Variants in EPB41L4A observed in about 807,000 individuals in gnomAD.
EPB41L4A encodes the protein band 4.1-like protein 4A.
EPB41L4A carries 100 observed loss-of-function variants against 108.6 expected under a neutral mutation model. The ratio of observed to expected loss-of-function variants is 0.92; its 90% CI spans 0.78 to 1.09. EPB41L4A has a LOEUF of 1.09. EPB41L4A is among the 50% of genes least tolerant of loss of function. EPB41L4A has a pLI of 0.00. For missense variants in EPB41L4A, 1,030 were observed against 842.7 expected, an observed-to-expected ratio of 1.22 and a Z score of -2.75; for synonymous variants, 319 against 289.0, an observed-to-expected ratio of 1.10 and a Z score of -1.05.
intron 2 of EPB41L4A, among the ~76,000 whole-genome samples, chr5:112,282,407 C>G (rs1197350666): frequency 2.6e-5 from 4 of 152,230 alleles, no homozygotes; most frequent in African/African-American, 9.6e-5. Flanking sequence ...AACGCAAATA[C>G]TCATTAACAC....
intron 15 of EPB41L4A, among the ~76,000 whole-genome samples, chr5:112,197,348 A>G (rs2150274083): frequency 6.6e-6 from 1 of 152,228 alleles, no homozygotes; most frequent in Admixed American, 6.5e-5. Context: ...TCTTTAACGT[A>G]TGGCTTACGT....
chr5:112,358,586 A>C (rs1046191742), intron 1 of EPB41L4A, among the ~76,000 whole-genome samples: 1 of 152,214 alleles, frequency 6.6e-6, no homozygotes, highest in Non-Finnish European at 1.5e-5. Flanking sequence ...GAGCAACTAG[A>C]ATTCTCACAG....
At chr5:112,367,579 C>T (rs1484086030) in intron 1 of EPB41L4A, among the ~76,000 whole-genome samples, 1 of 152,214 alleles carries the variant, frequency 6.6e-6, no homozygotes, top group Non-Finnish European at 1.5e-5. Flanking sequence ...CCATGACCAG[C>T]TCCTTCCAGG....
intron 19 of EPB41L4A, 90 bp downstream of exon 19, chr5:112,170,855 G>GA: frequency 1.7e-6 from 2 of 1,143,960 alleles, no homozygotes; most frequent in Non-Finnish European, 2.6e-6. Flanking sequence ...GCATCACGCT[G>GA]AAGTTGCCTC....
At chr5:112,261,496 T>C (rs1751478899) in intron 7 of EPB41L4A, among the ~76,000 whole-genome samples, 1 of 152,250 alleles carries the variant, frequency 6.6e-6, no homozygotes, top group Non-Finnish European at 1.5e-5. Flanking sequence ...ATTTAACTAT[T>C]GCTATCCACA....
intron 3 of EPB41L4A, among the ~76,000 whole-genome samples, chr5:112,277,602 T>C (rs1465978951): frequency 1.3e-5 from 2 of 152,068 alleles, no homozygotes; most frequent in Non-Finnish European, 1.5e-5. Context: ...TTGCCTAAAA[T>C]CACAGGGAAG....
chr5:112,244,023 T>C (rs1307773176), intron 9 of EPB41L4A, among the ~76,000 whole-genome samples: 2 of 152,252 alleles, frequency 1.3e-5, no homozygotes, highest in Non-Finnish European at 2.9e-5. Flanking sequence ...AGGCCTAGCT[T>C]TCAGCCTATC....
intron 1 of EPB41L4A, among the ~76,000 whole-genome samples, chr5:112,316,084 TAG>T (rs1755410111): frequency 6.6e-6 from 1 of 152,216 alleles, no homozygotes; most frequent in Non-Finnish European, 1.5e-5. Context: ...CTTATAATCG[TAG>T]AGAAAGACTC....
chr5:112,325,442 T>TCAA (rs1363738125), intron 1 of EPB41L4A, among the ~76,000 whole-genome samples: 16 of 103,508 alleles, frequency 1.5e-4, no homozygotes, highest in African/African-American at 5.0e-4. Flanking sequence ...CTCCGTCTCA[T>TCAA]AAAAAAAAAA....
At chr5:112,267,424 T>A (rs887565756) in intron 4 of EPB41L4A, among the ~76,000 whole-genome samples, 1 of 152,264 alleles carries the variant, frequency 6.6e-6, no homozygotes, top group Non-Finnish European at 1.5e-5. Context: ...ACATTGATTA[T>A]TTCAGGAAGA....
At position 112,255,892 on chromosome 5, in the gene EPB41L4A, C is replaced by A. The variant is rs542261628; in HGVS notation, c.795+3337G>T. On this transcript the variant is annotated intron_variant, in intron 9 of 22. Transcript: ENST00000261486. ...GGACTCCTGATCTTCCTCCTCAAGTCTGCTCTATCCATAGCCTTCCCCACC... is the reference window on the plus strand; with the variant it reads ...GGACTCCTGATCTTCCTCCTCAAGTATGCTCTATCCATAGCCTTCCCCACC... Among the ~76,000 whole-genome samples, 8 of 152,268 alleles carry A rather than the reference C, an allele frequency of 5.3e-5. No homozygotes were observed. In the South Asian group the frequency reaches 1.7e-3, roughly 32 times the overall value.
At chr5:112,389,638 G>C (rs1471899583) in intron 1 of EPB41L4A, among the ~76,000 whole-genome samples, 1 of 152,034 alleles carries the variant, frequency 6.6e-6, no homozygotes, top group African/African-American at 2.4e-5. Context: ...CATTTTTGTT[G>C]TTTCTGCCTT....
chr5:112,264,037 TC>T (rs1432391556), intron 6 of EPB41L4A: 1 of 152,180 alleles, frequency 6.6e-6, no homozygotes, highest in Non-Finnish European at 1.5e-5. Context: ...GTTCTCAAAC[TC>T]CTGACCTCAG....
chr5:112,143,972 C>T, intron 13 of EPB41L4A: 1 of 404,002 alleles, frequency 2.5e-6, no homozygotes, highest in Admixed American at 2.6e-5. Context: ...TATGGCCACC[C>T]TCCAATTCAC....
chr5:112,205,600 TAA>T, intron 13 of EPB41L4A, 96 bp from the exon 14 acceptor site: 3 of 932,938 alleles, frequency 3.2e-6, no homozygotes, highest in Non-Finnish European at 4.9e-6. Flanking sequence ...TAACAAATGT[TAA>T]GATGTGCACA....
chr5:112,238,050 G>A (rs1749480049), intron 11 of EPB41L4A, among the ~76,000 whole-genome samples: 1 of 152,146 alleles, frequency 6.6e-6, no homozygotes, highest in Non-Finnish European at 1.5e-5. Flanking sequence ...GAGAAATAAA[G>A]TATGGCTAAA....
chr5:112,274,504 C>G (rs879634786), intron 4 of EPB41L4A, among the ~76,000 whole-genome samples: 1 of 152,094 alleles, frequency 6.6e-6, no homozygotes, highest in African/African-American at 2.4e-5. Flanking sequence ...AAGTCTGAGA[C>G]AGATGAAAGC....
At chr5:112,233,180 C>T (rs1165882973) in intron 12 of EPB41L4A, among the ~76,000 whole-genome samples, 1 of 151,984 alleles carries the variant, frequency 6.6e-6, no homozygotes, top group African/African-American at 2.4e-5. Flanking sequence ...AGAATCAAGA[C>T]ACAAAAAAAG....
chr5:112,218,902 G>T (rs1747836834), intron 12 of EPB41L4A, among the ~76,000 whole-genome samples: 1 of 152,010 alleles, frequency 6.6e-6, no homozygotes, highest in Middle Eastern at 3.2e-3. Context: ...TAGTACCAAA[G>T]GATATAATTT....
Sources: gnomAD v4.1 joint callset for allele counts (sites outside exome capture counted in the v4.1 genomes callset) on GRCh38, gnomAD v4.1.1 for gene constraint, MANE v1.5 for transcripts, NCBI Gene and HGNC (gene_info 2026-07-23, HGNC 2026-07-21) for gene names.